The following EIF4E variants were observed in gnomAD, a reference collection of about 807,000 sequenced individuals.
EIF4E encodes the protein eIF-4F 25 kDa subunit.
For synonymous variants in EIF4E, 71 were observed against 88.5 expected (o/e 0.80, Z 1.11); for missense variants, 113 against 265.6 (o/e 0.43, Z 3.99).
At chr4:98,917,485 C>G (rs1251049596) in intron 1 of EIF4E, among the ~76,000 whole-genome samples, 2 of 152,010 alleles carry the variant, frequency 1.3e-5, no homozygotes, top group African/African-American at 4.8e-5. Context: ...AACTATAAAC[C>G]AAAAACTGTG....
intron 1 of EIF4E, among the ~76,000 whole-genome samples, chr4:98,913,766 CTTAAT>C (rs989672195): frequency 6.6e-6 from 1 of 152,124 alleles, no homozygotes; most frequent in Non-Finnish European, 1.5e-5. Flanking sequence ...TTAAGTTTTA[CTTAAT>C]TTAAGTTAAA....
intron 1 of EIF4E, among the ~76,000 whole-genome samples, chr4:98,904,859 T>G (rs924835065): frequency 1.3e-5 from 2 of 152,140 alleles, no homozygotes; most frequent in Admixed American, 6.5e-5. Context: ...TGTGTATGTA[T>G]GAATCAGTAA....
At chr4:98,926,064 G>A (rs1392496270) in intron 1 of EIF4E, 1 of 151,526 alleles carries the variant, frequency 6.6e-6, no homozygotes, top group African/African-American at 2.4e-5. Flanking sequence ...TACACCAGAG[G>A]CTGAGATGGA....
chr4:98,893,739 C>T (rs905607867), intron 2 of EIF4E, among the ~76,000 whole-genome samples: 3 of 152,214 alleles, frequency 2.0e-5, no homozygotes, highest in African/African-American at 7.2e-5. Context: ...GGGTTGGAAT[C>T]AAATTCTTCC....
At chr4:98,914,140 G>A (rs964635544) in intron 1 of EIF4E, among the ~76,000 whole-genome samples, 11 of 150,718 alleles carry the variant, frequency 7.3e-5, no homozygotes, top group East Asian at 3.9e-4. Flanking sequence ...GGCGGATCAC[G>A]AGGTCAGGAG....
chr4:98,905,135 C>T (rs1007419832), intron 1 of EIF4E, among the ~76,000 whole-genome samples: 1 of 151,652 alleles, frequency 6.6e-6, no homozygotes, highest in Non-Finnish European at 1.5e-5. Flanking sequence ...CTACCATATT[C>T]CTCTCTCTAC....
At chr4:98,893,655 T>G (rs1192130357) in intron 2 of EIF4E, among the ~76,000 whole-genome samples, 1 of 152,236 alleles carries the variant, frequency 6.6e-6, no homozygotes, top group Non-Finnish European at 1.5e-5. Context: ...TTTCTTACTG[T>G]TGGTCTCTTG....
Position 98,896,486 on chromosome 4 carries a change from C to CAAAAAAAA in EIF4E, c.126-5162_126-5155dup, listed in dbSNP as rs59729154. Among the ~76,000 whole-genome samples, 140 of 39,000 alleles carry CAAAAAAAA rather than the reference C, an allele frequency of 3.6e-3. 18 individuals carry two copies. Among genetic ancestry groups the CAAAAAAAA allele is most frequent in the African/African-American group, 0.016 (129 of 8,204 alleles). The allele number at this position is 39,000 out of a possible 152,430, so 25.6% of individuals were successfully genotyped here. A position where few individuals can be genotyped will look rare whatever the true frequency, so the allele number is the denominator to read the frequency against. On this transcript the variant is annotated intron_variant, in intron 2 of 6. Coordinates refer to ENST00000450253, the MANE Select transcript of EIF4E (RefSeq NM_001968.5). Reference sequence around the variant, plus strand: ...CAACATAGCAAGACCCCGCATCTCTCAAAAAAAAAAAAAAAAAAAAAAAAC... The same window carrying CAAAAAAAA: ...CAACATAGCAAGACCCCGCATCTCTCAAAAAAAAAAAAAAAAAAAAAAAAAAAAAAAAC...
At chr4:98,908,487 T>C (rs1170860709) in intron 1 of EIF4E, among the ~76,000 whole-genome samples, 1 of 152,220 alleles carries the variant, frequency 6.6e-6, no homozygotes, top group Non-Finnish European at 1.5e-5. Flanking sequence ...ATGCTACATA[T>C]GGCAAAGACA....
In EIF4E at chr4:98,895,776, A is replaced by C. The variant is rs1724353715; in HGVS notation, c.126-4444T>G. On this transcript the variant is annotated intron_variant, in intron 2 of 6. Coordinates refer to ENST00000450253, the MANE Select transcript of EIF4E (RefSeq NM_001968.5). ...ACACATAAAGATCTATGGGGCCAGG[A>C]AAGGTGGATCATACCAGTAATAACA... Among the ~76,000 whole-genome samples, 7 of 152,306 alleles carry C rather than the reference A, an allele frequency of 4.6e-5. No homozygotes were observed. The South Asian group carries it at 1.5e-3, about 32-fold the overall frequency.
chr4:98,928,433 T>C (rs888780493), intron 1 of EIF4E, among the ~76,000 whole-genome samples: 15 of 151,896 alleles, frequency 9.9e-5, no homozygotes, highest in African/African-American at 3.6e-4. Flanking sequence ...TCGCTTCCCC[T>C]GGCGCAAACA....
intron 1 of EIF4E, among the ~76,000 whole-genome samples, chr4:98,915,231 C>T (rs1285282233): frequency 6.6e-6 from 1 of 151,394 alleles, no homozygotes; most frequent in African/African-American, 2.4e-5. Context: ...AGGTTTCAGG[C>T]ATGAGCTACG....
At chr4:98,885,535 C>A (rs892553979) in intron 5 of EIF4E, among the ~76,000 whole-genome samples, 3 of 152,118 alleles carry the variant, frequency 2.0e-5, no homozygotes, top group Non-Finnish European at 2.9e-5. Flanking sequence ...GCAGCCTCAA[C>A]CTCCTGGGCT....
chr4:98,912,285 A>T (rs549975552), intron 1 of EIF4E, among the ~76,000 whole-genome samples: 9 of 151,378 alleles, frequency 5.9e-5, no homozygotes, highest in Middle Eastern at 3.4e-3. Context: ...AAAAAGAAAA[A>T]TTTACATACG....
At chr4:98,897,036 A>T (rs918303571) in intron 2 of EIF4E, among the ~76,000 whole-genome samples, 1 of 152,252 alleles carries the variant, frequency 6.6e-6, no homozygotes, top group Non-Finnish European at 1.5e-5. Context: ...TATTTAAATC[A>T]GCAGTTCTCA....
At position 98,896,667 on chromosome 4, in the gene EIF4E, CAAAAAAAAAAAAAAAAA is replaced by C. The variant is rs61329973; in HGVS notation, c.125+5192_125+5208del. Reference sequence around the variant, plus strand: ...CGACAGAATGGGACCATGTCTCTTCCAAAAAAAAAAAAAAAAAAAAAAAAAAAAAGCCAGGCATGTTG... The same window carrying C: ...CGACAGAATGGGACCATGTCTCTTCCAAAAAAAAAAAAGCCAGGCATGTTG... On this transcript the variant is annotated intron_variant, in intron 2 of 6. Transcript: ENST00000450253. Among the ~76,000 whole-genome samples, 16 of 47,680 alleles carry C rather than the reference CAAAAAAAAAAAAAAAAA, an allele frequency of 3.4e-4. No homozygotes were observed. The South Asian group carries it at 9.7e-3, about 29-fold the overall frequency. 31.3% of individuals were successfully genotyped at this position (47,680 alleles called of 152,430 possible). A position where few individuals can be genotyped will look rare whatever the true frequency, so the allele number is the denominator to read the frequency against.
At chr4:98,912,335 G>C (rs1362581592) in intron 1 of EIF4E, among the ~76,000 whole-genome samples, 3 of 151,734 alleles carry the variant, frequency 2.0e-5, no homozygotes, top group Non-Finnish European at 4.4e-5. Context: ...CCAACACTTT[G>C]GGAGGCCAAC....
intron 1 of EIF4E, among the ~76,000 whole-genome samples, chr4:98,919,269 C>A (rs1211762194): frequency 1.3e-5 from 2 of 149,942 alleles, no homozygotes; most frequent in Non-Finnish European, 3.0e-5. Context: ...CGTGCCACTG[C>A]ACTCCAGCCT....
At chr4:98,897,870 A>G (rs1019605554) in intron 2 of EIF4E, among the ~76,000 whole-genome samples, 6 of 152,240 alleles carry the variant, frequency 3.9e-5, no homozygotes, top group Non-Finnish European at 7.3e-5. Context: ...TTGATACTAT[A>G]TAAGAAAATG....
Sources: gnomAD v4.1 joint callset for allele counts (sites outside exome capture counted in the v4.1 genomes callset) on GRCh38, gnomAD v4.1.1 for gene constraint, MANE v1.5 for transcripts, NCBI Gene and HGNC (gene_info 2026-07-23, HGNC 2026-07-21) for gene names.